The following MFHAS1 variants were observed in gnomAD, a reference collection of about 807,000 sequenced individuals.
The protein encoded by MFHAS1 is multifunctional ROCO family signaling regulator 1.
Under a neutral mutation model 70.4 loss-of-function variants are expected in MFHAS1, and 50 were observed. That is an observed-to-expected ratio of 0.71 (90% CI 0.57 to 0.90). The LOEUF (loss-of-function observed/expected upper bound fraction) is 0.90, where lower values mean the gene tolerates loss of function less well. Among genes scored for constraint, MFHAS1 ranks in the 40% least tolerant of loss-of-function variants. MFHAS1 has a pLI of 0.00. For synonymous variants in MFHAS1, 952 were observed against 620.0 expected (o/e 1.54, Z -7.96); for missense variants, 1,795 against 1,347.6 (o/e 1.33, Z -5.20).
intron 1 of MFHAS1, among the ~76,000 whole-genome samples, chr8:8,834,051 G>A (rs552012599): frequency 3.9e-5 from 6 of 151,938 alleles, no homozygotes; most frequent in East Asian, 1.9e-4. Flanking sequence ...GCTTGAACCC[G>A]GGAGGCGGAG....
At chr8:8,791,792 T>G (rs556961021) in intron 2 of MFHAS1, among the ~76,000 whole-genome samples, 2 of 152,300 alleles carry the variant, frequency 1.3e-5, no homozygotes. Flanking sequence ...CTAATTAGGC[T>G]GCCATGAAGA....
chr8:8,877,456 G>A (rs1287384396), intron 1 of MFHAS1, among the ~76,000 whole-genome samples: 1 of 152,258 alleles, frequency 6.6e-6, no homozygotes, highest in East Asian at 1.9e-4. Context: ...TGTCAGATCC[G>A]AATTTGCCTT....
At chr8:8,800,191 G>A (rs773384996) in intron 1 of MFHAS1, among the ~76,000 whole-genome samples, 9 of 152,126 alleles carry the variant, frequency 5.9e-5, no homozygotes, top group Non-Finnish European at 1.2e-4. Context: ...TTTATATAGT[G>A]TCGCACAATA....
At chr8:8,851,905 A>AG (rs1426830028) in intron 1 of MFHAS1, among the ~76,000 whole-genome samples, 1 of 152,242 alleles carries the variant, frequency 6.6e-6, no homozygotes, top group African/African-American at 2.4e-5. Context: ...TTGGTGACAG[A>AG]GAAAAAATGT....
chr8:8,855,044 G>C (rs1188995407), intron 1 of MFHAS1, among the ~76,000 whole-genome samples: 5 of 152,032 alleles, frequency 3.3e-5, no homozygotes, highest in Non-Finnish European at 7.4e-5. Context: ...CAAGAAGCTG[G>C]GACCACAGTC....
In MFHAS1 at chr8:8,891,263, G is replaced by A. The variant is rs756390661; in HGVS notation, c.1796C>T (p.Ser599Leu). Residue 599 changes from serine to leucine, a missense_variant, in exon 1 of 3, where the codon TCG becomes TTG. By Grantham distance (145) the Ser-to-Leu change is moderately radical (BLOSUM62 -2). Transcript: ENST00000276282. This position sits in a 1 kb window ranked among gnomAD's most constrained non-coding sequence, Gnocchi z 5.4. Reference sequence around the variant, plus strand: ...CTTGCGCCGTCGAAGGTTCTTGTCCGAAACGCCATAGTAGGCTGCGTGGGG... The same window carrying A: ...CTTGCGCCGTCGAAGGTTCTTGTCCAAAACGCCATAGTAGGCTGCGTGGGG... ...ASPHAAYYGV[S>L]DKNLRRRKAH... is the part of the protein sequence containing the mutation. 2.5e-6 allele frequency: 4 copies of A among 1,612,126 alleles called. No homozygotes were observed. The highest frequency in any genetic ancestry group is 1.3e-5 in the African/African-American group (1 of 75,064).
At chr8:8,876,435 C>A (rs185478670) in intron 1 of MFHAS1, among the ~76,000 whole-genome samples, 39 of 152,184 alleles carry the variant, frequency 2.6e-4, no homozygotes, top group Non-Finnish European at 4.4e-4. Flanking sequence ...TGATAAGATG[C>A]AAGAAACCAC....
At chr8:8,818,758 G>A (rs1283208161) in intron 1 of MFHAS1, among the ~76,000 whole-genome samples, 2 of 152,198 alleles carry the variant, frequency 1.3e-5, no homozygotes, top group Non-Finnish European at 2.9e-5. Context: ...AAAGAGAGGT[G>A]TCTATGAGAG....
At chr8:8,787,112 G>A (rs542030737) in intron 2 of MFHAS1, among the ~76,000 whole-genome samples, 13 of 146,622 alleles carry the variant, frequency 8.9e-5, no homozygotes, top group Admixed American at 6.2e-4. Context: ...ACAGAGTCTC[G>A]CTCTGTTGCC....
chr8:8,849,472 G>T (rs151084944), intron 1 of MFHAS1, among the ~76,000 whole-genome samples: 1 of 152,296 alleles, frequency 6.6e-6, no homozygotes, highest in Non-Finnish European at 1.5e-5. Context: ...CACCCCACAT[G>T]TGCATAATGT....
At chr8:8,878,186 G>C (rs538694320) in intron 1 of MFHAS1, among the ~76,000 whole-genome samples, 2 of 152,290 alleles carry the variant, frequency 1.3e-5, no homozygotes, top group South Asian at 4.1e-4. Flanking sequence ...TGTCTGCCCA[G>C]AACTTAGAAT....
intron 1 of MFHAS1, chr8:8,822,247 G>C (rs1806983503): frequency 1.3e-5 from 2 of 152,448 alleles, no homozygotes; most frequent in Admixed American, 6.5e-5. Context: ...GGGGACTGAA[G>C]CCAAGAGAGG....
At chr8:8,834,477 A>C (rs2116841336) in intron 1 of MFHAS1, among the ~76,000 whole-genome samples, 1 of 152,308 alleles carries the variant, frequency 6.6e-6, no homozygotes, top group South Asian at 2.1e-4. Context: ...TGTCTTTTAT[A>C]CTGTATTTTG....
intron 1 of MFHAS1, among the ~76,000 whole-genome samples, chr8:8,825,594 G>A (rs1485809827): frequency 6.6e-6 from 1 of 152,150 alleles, no homozygotes. Flanking sequence ...TTCTCCCGGT[G>A]TCTTCACGTG....
Position 8,856,980 on chromosome 8 carries a change from GAAAAAAAAAAAAA to G in MFHAS1, c.2998+33068_2998+33080del, listed in dbSNP as rs59496543. On this transcript the variant is annotated intron_variant, in intron 1 of 2. Coordinates refer to ENST00000276282, the MANE Select transcript of MFHAS1 (RefSeq NM_004225.3). The stretch of plus-strand genomic sequence containing the variant: ...CCTGACACTTTCACATCAGGAAAGT[GAAAAAAAAAAAAA>G]AAAAAAAAAAAAAAAGAGGAGAGAT... Among the ~76,000 whole-genome samples the G allele has an allele frequency of 2.5e-3, 135 of 53,410 alleles. 1 individual carries two copies. Among genetic ancestry groups the G allele is most frequent in the Middle Eastern group, 0.018 (1 of 56 alleles). The allele number at this position is 53,410 out of a possible 152,430, so 35.0% of individuals were successfully genotyped here. A position where few individuals can be genotyped will look rare whatever the true frequency, so the allele number is the denominator to read the frequency against.
At position 8,851,959 on chromosome 8, in the gene MFHAS1, C is replaced by A. The variant is rs145936368; in HGVS notation, c.2998+38102G>T. Among the ~76,000 whole-genome samples the A allele has an allele frequency of 4.0e-3, 605 of 152,218 alleles. 1 individual carries two copies. The highest frequency in any genetic ancestry group is 0.014 in the African/African-American group (569 of 41,530). On this transcript the variant is annotated intron_variant, in intron 1 of 2. Coordinates refer to ENST00000276282, the MANE Select transcript of MFHAS1 (RefSeq NM_004225.3). ...AAGCTTAAGTGTAAATCTGAGGTCA[C>A]CAGGCGGATCCCTAATAAGGACAGA...
chr8:8,819,044 A>G (rs1481313406), intron 1 of MFHAS1, among the ~76,000 whole-genome samples: 1 of 152,206 alleles, frequency 6.6e-6, no homozygotes, highest in Admixed American at 6.5e-5. Flanking sequence ...AAATAATCAA[A>G]ATGCTCATCA....
intron 1 of MFHAS1, among the ~76,000 whole-genome samples, chr8:8,829,983 G>A (rs1159411218): frequency 6.6e-6 from 1 of 152,194 alleles, no homozygotes; most frequent in African/African-American, 2.4e-5. Flanking sequence ...TTTAGAGTGT[G>A]CCTGCTTCGG....
At chr8:8,817,028 C>G (rs950733911) in intron 1 of MFHAS1, among the ~76,000 whole-genome samples, 1 of 152,216 alleles carries the variant, frequency 6.6e-6, no homozygotes, top group Non-Finnish European at 1.5e-5. Context: ...TCATCCAACA[C>G]TATCCCCCTC....
Sources: allele counts gnomAD v4.1 joint callset (sites outside exome capture counted in the v4.1 genomes callset), GRCh38; gene constraint gnomAD v4.1.1; non-coding constraint Gnocchi (gnomAD v3.1); transcripts MANE v1.5; gene names NCBI Gene and HGNC (gene_info 2026-07-23, HGNC 2026-07-21).